GNAI2: variants seen among roughly 807,000 people sequenced by gnomAD.
GNAI2 encodes G protein subunit alpha i2.
In GNAI2, 4 loss-of-function variants were observed where a neutral mutation model predicts 36.8. That is an observed-to-expected ratio of 0.11 (90% CI 0.05 to 0.25). The LOEUF is 0.25. GNAI2 is among the 10% of genes least tolerant of loss of function. GNAI2 has a pLI of 1.00. For missense variants in GNAI2, 230 were observed against 481.3 expected, an observed-to-expected ratio of 0.48 and a Z score of 4.89; for synonymous variants, 194 against 194.1, an observed-to-expected ratio of 1.00 and a Z score of 0.01.
Position 50,259,008 on chromosome 3 carries a change from C to G in GNAI2, c.*665C>G, listed in dbSNP as rs1442668938. The G allele has an allele frequency of 3.0e-5, 13 of 436,578 alleles. No homozygotes were observed. The East Asian group carries it at 9.1e-4, about 31-fold the overall frequency. 27.0% of individuals were successfully genotyped at this position (436,578 alleles called of 1,614,324 possible). A position where few individuals can be genotyped will look rare whatever the true frequency, so the allele number is the denominator to read the frequency against. On this transcript the variant is annotated 3_prime_UTR_variant, in exon 9 of 9. Coordinates refer to ENST00000313601, the MANE Select transcript of GNAI2 (RefSeq NM_002070.4). The stretch of plus-strand genomic sequence containing the variant: ...AGCCCCCCTTCCAAGTGACTCCGTG[C>G]CTTGAGTGTGTCTGCGTGTTTACAC...
chr3:50,227,200 C>T (rs1165489193), upstream of GNAI2: 5 of 1,412,894 alleles, frequency 3.5e-6, no homozygotes, highest in Non-Finnish European at 3.7e-6. The surrounding 1 kb of genome is among the most constrained non-coding windows in gnomAD (Gnocchi z 5.9). Flanking sequence ...GAGGGTAAGC[C>T]GATGGCGGCT....
chr3:50,235,615 C>A (rs1205533066), upstream of GNAI2, among the ~76,000 whole-genome samples: 1 of 152,218 alleles, frequency 6.6e-6, no homozygotes, highest in South Asian at 2.1e-4. Flanking sequence ...CCACTGCGCC[C>A]GGCCTTTTTT....
At chr3:50,233,990 G>C (rs782474014), upstream of GNAI2, among the ~76,000 whole-genome samples, 1 of 150,152 alleles carries the variant, frequency 6.7e-6, no homozygotes, top group Non-Finnish European at 1.5e-5. Context: ...CCAGTTCCCA[G>C]GTTCAAGTGA....
At position 50,241,670 on chromosome 3, in the gene GNAI2, C is replaced by T. The variant is rs587637886; in HGVS notation, c.118+5217C>T. The stretch of plus-strand genomic sequence containing the variant: ...GTGTGAGGACAGAGAGAATGAGCCG[C>T]GCTGCTGTGGCAGGAGGTGGAAGTC... On this transcript the variant is annotated intron_variant, in intron 1 of 8. Coordinates refer to ENST00000313601, the MANE Select transcript of GNAI2 (RefSeq NM_002070.4). This position sits in a 1 kb window ranked among gnomAD's most constrained non-coding sequence, Gnocchi z 5.0. Among the ~76,000 whole-genome samples, 12 of 152,302 alleles carry T rather than the reference C, an allele frequency of 7.9e-5. No individual in the cohort carries two copies. The South Asian group carries it at 1.2e-3, about 16-fold the overall frequency.
intron 7 of GNAI2, 123 bp downstream of exon 7, chr3:50,257,213 G>A: frequency 1.2e-6 from 1 of 812,702 alleles, no homozygotes; most frequent in Admixed American, 2.4e-5. Context: ...ACACTGGCAG[G>A]GGCTGGTGCC....
chr3:50,243,060 G>A (rs887500598), intron 1 of GNAI2, among the ~76,000 whole-genome samples: 19 of 152,100 alleles, frequency 1.2e-4, no homozygotes, highest in Non-Finnish European at 2.2e-4. Context: ...GGGCTGCCTG[G>A]TGCTAGGGTG....
At chr3:50,250,164 G>A (rs1006489690) in intron 1 of GNAI2, among the ~76,000 whole-genome samples, 42 of 152,342 alleles carry the variant, frequency 2.8e-4, no homozygotes, top group African/African-American at 9.9e-4. Flanking sequence ...CAGGATTGCT[G>A]TGGAGATGGC....
chr3:50,247,345 G>C (rs1553701874), intron 1 of GNAI2, among the ~76,000 whole-genome samples: 1 of 152,236 alleles, frequency 6.6e-6, no homozygotes, highest in Non-Finnish European at 1.5e-5. Flanking sequence ...TCTGAAAATG[G>C]GAGGCAGGCT....
At chr3:50,248,564 GC>G (rs1700474736) in intron 1 of GNAI2, among the ~76,000 whole-genome samples, 2 of 152,094 alleles carry the variant, frequency 1.3e-5, no homozygotes, top group Non-Finnish European at 1.5e-5. Flanking sequence ...CTGTGCCCCT[GC>G]CTCTGTCCCG....
chr3:50,245,884 C>T (rs1175219139), intron 1 of GNAI2, among the ~76,000 whole-genome samples: 1 of 152,264 alleles, frequency 6.6e-6, no homozygotes, highest in Non-Finnish European at 1.5e-5. Flanking sequence ...TAGTGCTCCC[C>T]TTTGGGCACT....
In GNAI2 at chr3:50,256,929, A is replaced by G. The variant is rs782811495; in HGVS notation, c.724-8A>G. The G allele has an allele frequency of 1.2e-6, 2 of 1,613,770 alleles. No individual in the cohort carries two copies. The highest frequency in any genetic ancestry group is 3.3e-5 in the Admixed American group (2 of 60,002). ...TGGCTAGCGTTGACCTTGCTATTCT[A>G]CCCCCAGAACCGCATGCATGAGAGC... On this transcript the variant is annotated splice_region_variant and splice_polypyrimidine_tract_variant and intron_variant, in intron 6 of 8. Transcript: ENST00000313601.
At chr3:50,240,927 A>G (rs587693733) in intron 1 of GNAI2, among the ~76,000 whole-genome samples, 103 of 122,772 alleles carry the variant, frequency 8.4e-4, no homozygotes, top group Non-Finnish European at 1.5e-3. Flanking sequence ...TCAAAAAAAA[A>G]AAAAAAAAAG....
intron 1 of GNAI2, among the ~76,000 whole-genome samples, chr3:50,237,190 A>G (rs1700193099): frequency 6.6e-6 from 1 of 152,158 alleles, no homozygotes; most frequent in Non-Finnish European, 1.5e-5. Context: ...CTGGGCTAGG[A>G]GGCGGGAGCC....
In GNAI2 at chr3:50,252,501, G is replaced by T. The variant is rs782355546; in HGVS notation, c.266G>T (p.Gly89Val). ...ATCATGGCCATTGTCAAAGCCATGGGCAACCTGCAGATCGACTTTGCCGAC... is the reference window on the plus strand; with the variant it reads ...ATCATGGCCATTGTCAAAGCCATGGTCAACCTGCAGATCGACTTTGCCGAC... ...QSIMAIVKAM[G>V]NLQIDFADPS... Residue 89 changes from glycine to valine, a missense_variant, in exon 3 of 9, where the codon GGC (glycine) becomes GTC (valine). Gly to Val is a moderately radical substitution (Grantham distance 109, BLOSUM62 -3). This residue lies in a region of GNAI2 where 132 missense variants were observed against 247.4 expected (regional missense o/e 0.53). Transcript: ENST00000313601. The surrounding 1 kb of genome is among the most constrained non-coding windows in gnomAD (Gnocchi z 4.1). 6.2e-7 allele frequency: 1 copy of T among 1,613,214 alleles called. No individual in the cohort carries two copies. Among genetic ancestry groups the T allele is most frequent in the Admixed American group, 1.7e-5 (1 of 59,994 alleles).
upstream of GNAI2, chr3:50,235,937 G>A: frequency 6.5e-6 from 1 of 153,946 alleles, no homozygotes; most frequent in Non-Finnish European, 1.4e-5. Context: ...GCCCGGTCCC[G>A]CCTGCAGCCC....
At position 50,253,125 on chromosome 3, in the gene GNAI2, T is replaced by G. The variant is rs782095749; in HGVS notation, c.405T>G (p.His135Gln). ...SGVIRRLWAD[H>Q]GVQACFGRSR... ...TCATCCGGAGGCTCTGGGCTGACCA[T>G]GGTGTGCAGGCCTGCTTTGGCCGCT... Residue 135 changes from histidine (H) to glutamine (Q), a missense_variant, in exon 4 of 9, where the codon CAT (histidine) becomes CAG (glutamine). Physicochemically the swap from His to Gln is conservative, Grantham distance 24. Transcript: ENST00000313601. The surrounding 1 kb of genome is among the most constrained non-coding windows in gnomAD (Gnocchi z 4.2). The G allele has an allele frequency of 6.2e-7, 1 of 1,613,588 alleles. No homozygotes were observed. Among genetic ancestry groups the G allele is most frequent in the African/African-American group, 1.3e-5 (1 of 75,018 alleles).
At chr3:50,247,012 C>A (rs1700440148) in intron 1 of GNAI2, 2 of 1,265,554 alleles carry the variant, frequency 1.6e-6, no homozygotes, top group Non-Finnish European at 2.2e-6. Context: ...TGAAAATCTT[C>A]AGAAGCTTTC....
upstream of GNAI2, among the ~76,000 whole-genome samples, chr3:50,227,767 G>A (rs1362040506): frequency 6.6e-6 from 1 of 152,214 alleles, no homozygotes; most frequent in African/African-American, 2.4e-5. This position sits in a 1 kb window ranked among gnomAD's most constrained non-coding sequence, Gnocchi z 5.9. Flanking sequence ...GGTGGGCAGG[G>A]CCAAGGGCAG....
intron 1 of GNAI2, among the ~76,000 whole-genome samples, chr3:50,249,845 C>G (rs587621922): frequency 1.2e-4 from 18 of 152,324 alleles, no homozygotes; most frequent in Non-Finnish European, 2.4e-4. Flanking sequence ...TCAGGGTGGT[C>G]TCTGGCGTAG....
Sources: gnomAD v4.1 joint callset for allele counts (sites outside exome capture counted in the v4.1 genomes callset) on GRCh38, gnomAD v4.1.1 for gene constraint, gnomAD v4.1.1 regional missense constraint, Gnocchi (gnomAD v3.1) non-coding constraint, MANE v1.5 for transcripts, NCBI Gene and HGNC (gene_info 2026-07-23, HGNC 2026-07-21) for gene names.